ATXN1: variants seen among roughly 807,000 people sequenced by gnomAD.
ATXN1 encodes ataxin-1.
Under a neutral mutation model 56.4 loss-of-function variants are expected in ATXN1, and 8 were observed. The observed-to-expected ratio is 0.14, with a 90% CI of 0.08 to 0.26. ATXN1 has a LOEUF of 0.26. ATXN1 is among the 10% of genes least tolerant of loss of function. ATXN1 has a pLI of 1.00. For missense variants in ATXN1, 987 were observed against 1,106.5 expected, an observed-to-expected ratio of 0.89 and a Z score of 1.53; for synonymous variants, 514 against 494.6, an observed-to-expected ratio of 1.04 and a Z score of -0.52.
chr6:16,327,657 CTGCTGCTGCTGCTGCTGCTGA>C lies in ATXN1; in HGVS notation c.633_653del (p.His211_Gln217del), dbSNP rs771539557. On this transcript the variant is annotated inframe_deletion, in exon 7 of 8. Transcript: ENST00000436367. ...GGTGCTGCTGCTGCTGCTGCTGCTG[CTGCTGCTGCTGCTGCTGCTGA>C]TGCTGATGCTGCTGCTGCTGCTGCT... 2.6e-6 allele frequency: 4 copies of C among 1,554,264 alleles called. No homozygotes were observed. The highest frequency in any genetic ancestry group is 2.5e-5 in the East Asian group (1 of 39,992).
At chr6:16,603,985 G>A (rs182997084) in intron 3 of ATXN1, among the ~76,000 whole-genome samples, 30 of 152,232 alleles carry the variant, frequency 2.0e-4, no homozygotes, top group African/African-American at 6.7e-4. Flanking sequence ...GGTCAGCATC[G>A]AGTGATACTA....
intron 6 of ATXN1, among the ~76,000 whole-genome samples, chr6:16,339,243 G>A (rs1008129159): frequency 4.3e-4 from 65 of 152,146 alleles, no homozygotes; most frequent in African/African-American, 1.5e-3. Flanking sequence ...TGGGTTTCCA[G>A]GACATTAGAC....
At chr6:16,598,983 G>A (rs1030669414) in intron 3 of ATXN1, among the ~76,000 whole-genome samples, 2 of 152,236 alleles carry the variant, frequency 1.3e-5, no homozygotes, top group African/African-American at 4.8e-5. Flanking sequence ...GGTAGTAGGA[G>A]CAGATGAGGC....
chr6:16,403,022 A>G (rs537431600), intron 6 of ATXN1, among the ~76,000 whole-genome samples: 1 of 152,162 alleles, frequency 6.6e-6, no homozygotes, highest in Admixed American at 6.5e-5. Context: ...AACTCTCTTA[A>G]AACAGCGCTT....
intron 3 of ATXN1, among the ~76,000 whole-genome samples, chr6:16,626,127 G>A (rs903767837): frequency 6.6e-6 from 1 of 152,104 alleles, no homozygotes; most frequent in Non-Finnish European, 1.5e-5. Flanking sequence ...CTAGTACAAC[G>A]CCTGACACAT....
intron 3 of ATXN1, among the ~76,000 whole-genome samples, chr6:16,639,899 A>G (rs775706130): frequency 2.0e-5 from 3 of 152,168 alleles, no homozygotes; most frequent in Non-Finnish European, 4.4e-5. Flanking sequence ...TGATTCACCA[A>G]TTCTCCAACA....
At chr6:16,663,559 A>C (rs1348657381) in intron 2 of ATXN1, among the ~76,000 whole-genome samples, 1 of 152,190 alleles carries the variant, frequency 6.6e-6, no homozygotes, top group Admixed American at 6.5e-5. Context: ...GCCGGGAAGA[A>C]ACTGGTGCTG....
chr6:16,387,378 G>C (rs553591315), intron 6 of ATXN1, among the ~76,000 whole-genome samples: 27 of 152,334 alleles, frequency 1.8e-4, no homozygotes, highest in Admixed American at 1.4e-3. Flanking sequence ...AGAGAGACAT[G>C]AACTTCTTCA....
Position 16,395,061 on chromosome 6 carries a change from G to A in ATXN1, c.-160-66591C>T, listed in dbSNP as rs977018312. 1.2e-4 allele frequency among the ~76,000 whole-genome samples: 18 copies of A among 151,462 alleles called. No individual in the cohort carries two copies. The East Asian group carries it at 3.3e-3, about 28-fold the overall frequency. ...GAGGCGAGGCGGATCACCCGAGATC[G>A]GGGAGTTCGAGACCAGTCGGACCAA... On this transcript the variant is annotated intron_variant, in intron 6 of 7. Transcript: ENST00000436367.
At chr6:16,338,759 C>T (rs933041502) in intron 6 of ATXN1, among the ~76,000 whole-genome samples, 2 of 152,142 alleles carry the variant, frequency 1.3e-5, no homozygotes, top group African/African-American at 4.8e-5. Context: ...AATACAACAC[C>T]TTCAAACTAT....
intron 6 of ATXN1, among the ~76,000 whole-genome samples, chr6:16,357,989 G>A (rs537009603): frequency 1.3e-5 from 2 of 152,180 alleles, no homozygotes; most frequent in South Asian, 2.1e-4. Context: ...GTAAGGGAAC[G>A]GGGTGACAGA....
At chr6:16,313,513 A>G (rs185751673) in intron 7 of ATXN1, among the ~76,000 whole-genome samples, 1 of 152,246 alleles carries the variant, frequency 6.6e-6, no homozygotes, top group East Asian at 1.9e-4. Flanking sequence ...TGATGGAGAG[A>G]GAGAATATTT....
In ATXN1 at chr6:16,306,569, C is replaced by G. The variant is rs1760256213; in HGVS notation, c.2208G>C (p.Gln736His). Residue 736 changes from glutamine (Q) to histidine (H), a missense_variant, in exon 8 of 8, where the codon CAG (glutamine) becomes CAC (histidine). By Grantham distance (24) the Gln-to-His change is conservative (BLOSUM62 0). Coordinates refer to ENST00000436367, the MANE Select transcript of ATXN1 (RefSeq NM_001128164.2). This position sits in a 1 kb window ranked among gnomAD's most constrained non-coding sequence, Gnocchi z 5.2. The stretch of plus-strand genomic sequence containing the variant: ...TCAGTTCGCCATTCTCAGAGAGCAT[C>G]TGGGCACTCCCCTGGTTGATTCCGT... ...QENGINQGSA[Q>H]MLSENGELKF... 8 of 1,614,126 alleles carry G rather than the reference C, an allele frequency of 5.0e-6. No individual in the cohort carries two copies. Among genetic ancestry groups the G allele is most frequent in the Non-Finnish European group, 6.8e-6 (8 of 1,180,054 alleles).
intron 7 of ATXN1, among the ~76,000 whole-genome samples, chr6:16,316,865 CTTTTTTTTT>C (rs375359789): frequency 0.082 from 8,199 of 99,636 alleles, 464 homozygotes; most frequent in Middle Eastern, 0.15. Flanking sequence ...GACTGCCTGT[CTTTTTTTTT>C]TTTTTTTTTT....
intron 6 of ATXN1, among the ~76,000 whole-genome samples, chr6:16,477,063 G>T (rs1211046732): frequency 6.6e-6 from 1 of 151,782 alleles, no homozygotes; most frequent in African/African-American, 2.4e-5. Flanking sequence ...GTCATCTGTG[G>T]GTCTTCAATG....
intron 3 of ATXN1, among the ~76,000 whole-genome samples, chr6:16,588,014 C>A (rs1282298757): frequency 6.6e-6 from 1 of 151,700 alleles, no homozygotes; most frequent in South Asian, 2.1e-4. Flanking sequence ...GTGATGTCAT[C>A]CTCATCTATC....
intron 5 of ATXN1, among the ~76,000 whole-genome samples, chr6:16,514,597 G>A (rs1328740948): frequency 6.6e-6 from 1 of 152,186 alleles, no homozygotes; most frequent in Non-Finnish European, 1.5e-5. Flanking sequence ...CTTGGGGAGG[G>A]AGGGCTCGAA....
At chr6:16,722,263 T>C (rs965896625) in intron 2 of ATXN1, among the ~76,000 whole-genome samples, 1 of 152,166 alleles carries the variant, frequency 6.6e-6, no homozygotes, top group African/African-American at 2.4e-5. Context: ...TCATTAGCCA[T>C]GACCTCCCAA....
intron 4 of ATXN1, among the ~76,000 whole-genome samples, chr6:16,585,338 G>T (rs1762602871): frequency 6.6e-6 from 1 of 152,044 alleles, no homozygotes; most frequent in South Asian, 2.1e-4. Flanking sequence ...TTACTCAATG[G>T]TATACTAATC....
Sources: gnomAD v4.1 joint callset for allele counts (sites outside exome capture counted in the v4.1 genomes callset) on GRCh38, gnomAD v4.1.1 for gene constraint, Gnocchi (gnomAD v3.1) non-coding constraint, MANE v1.5 for transcripts, NCBI Gene and HGNC (gene_info 2026-07-23, HGNC 2026-07-21) for gene names.